The following HINT3 variants were observed in gnomAD, a reference collection of about 807,000 sequenced individuals.
The protein encoded by HINT3 is histidine triad nucleotide binding protein 3.
A neutral mutation model predicts 19.1 loss-of-function variants in HINT3; 16 were observed. The observed-to-expected ratio is 0.84, with a 90% confidence interval of 0.57 to 1.27. The LOEUF is 1.27. HINT3 is among the 50% of genes most tolerant of loss of function. The pLI is 0.00. For synonymous variants in HINT3, 75 were observed against 84.8 expected, an observed-to-expected ratio of 0.88 and a Z score of 0.63; for missense variants, 197 against 225.8, an observed-to-expected ratio of 0.87 and a Z score of 0.82.
Position 125,977,692 on chromosome 6 carries a change from A to G in HINT3, c.*16A>G. On this transcript the variant is annotated 3_prime_UTR_variant, in exon 5 of 5. Coordinates refer to ENST00000229633, the MANE Select transcript of HINT3 (RefSeq NM_138571.5). ...AAGAACATGAAAATGTCAAGAGTGG[A>G]AGATTTTTCTAATCTTGGTTCAGCA... is the stretch of plus-strand genomic sequence containing the variant. 1 of 1,477,550 alleles carries G rather than the reference A, an allele frequency of 6.8e-7. No individual in the cohort carries two copies. The highest frequency in any genetic ancestry group is 1.4e-5 in the African/African-American group (1 of 69,554). 91.5% of individuals were successfully genotyped at this position (1,477,550 alleles called of 1,614,324 possible).
intron 1 of HINT3, among the ~76,000 whole-genome samples, chr6:125,960,992 A>T (rs377211209): frequency 2.0e-5 from 3 of 152,330 alleles, no homozygotes; most frequent in East Asian, 3.9e-4. Flanking sequence ...ACTAATAGAA[A>T]ATAGATACTA....
At chr6:125,968,068 T>C (rs746101000) in intron 2 of HINT3, among the ~76,000 whole-genome samples, 13 of 152,336 alleles carry the variant, frequency 8.5e-5, no homozygotes, top group Non-Finnish European at 1.8e-4. Context: ...TACGTGGGTA[T>C]ATTGTGTGGT....
chr6:125,963,942 C>A (rs559684003), intron 1 of HINT3, among the ~76,000 whole-genome samples: 1 of 152,118 alleles, frequency 6.6e-6, no homozygotes, highest in African/African-American at 2.4e-5. Context: ...AATGACACAC[C>A]ATTTTTTAAG....
Position 125,968,050 on chromosome 6 carries a change from A to C in HINT3, c.319+1046A>C, listed in dbSNP as rs534149836. On this transcript the variant is annotated intron_variant, in intron 2 of 4. Coordinates refer to ENST00000229633, the MANE Select transcript of HINT3 (RefSeq NM_138571.5). ...ATTTTAGATTTGATGGTACATGAGC[A>C]GGTTTATTACGTGGGTATATTGTGT... 5.3e-5 allele frequency among the ~76,000 whole-genome samples: 8 copies of C among 152,364 alleles called. No homozygotes were observed. In the East Asian group the frequency reaches 1.2e-3, roughly 22 times the overall value.
At chr6:125,966,817 T>C in intron 1 of HINT3, 70 bp from the exon 2 acceptor site, 2 of 992,420 alleles carry the variant, frequency 2.0e-6, no homozygotes, top group Non-Finnish European at 3.1e-6. Context: ...ATTAATGATA[T>C]TTAAGTCATG....
At chr6:125,962,320 T>G (rs1259312436) in intron 1 of HINT3, among the ~76,000 whole-genome samples, 1 of 126,598 alleles carries the variant, frequency 7.9e-6, no homozygotes, top group Non-Finnish European at 1.6e-5. Context: ...CACATATATA[T>G]ATATATATAT....
At position 125,966,979 on chromosome 6, in the gene HINT3, T is replaced by G; in HGVS notation, c.294T>G (p.Thr98=). 6.2e-7 allele frequency: 1 copy of G among 1,608,150 alleles called. No individual in the cohort carries two copies. The highest frequency in any genetic ancestry group is 8.5e-7 in the Non-Finnish European group (1 of 1,175,618). The change falls in exon 2 of 5, where the codon ACT becomes ACG. Residue 98 remains threonine, a synonymous_variant. Transcript: ENST00000229633. ...VPKKHIGNCR[T]LRKDQVELVE... is the part of the protein sequence containing the mutation. ...AGAAGCATATTGGAAACTGCAGAAC[T>G]CTAAGGAAAGATCAAGTAGAACTGG...
chr6:125,958,837 AAC>A (rs1014635638), intron 1 of HINT3, among the ~76,000 whole-genome samples: 1 of 152,132 alleles, frequency 6.6e-6, no homozygotes, highest in African/African-American at 2.4e-5. Context: ...CCACCCCATC[AAC>A]ACACACACAT....
chr6:125,966,860 T>C, intron 1 of HINT3, 27 bp from the exon 2 acceptor site: 1 of 1,451,410 alleles, frequency 6.9e-7, no homozygotes, highest in South Asian at 1.2e-5. Context: ...TTTTTAAAAA[T>C]TCACTAACAA....
chr6:125,958,956 T>C (rs1034536789), intron 1 of HINT3, among the ~76,000 whole-genome samples: 8 of 152,152 alleles, frequency 5.3e-5, no homozygotes, highest in African/African-American at 1.7e-4. Flanking sequence ...TCAAAGATGA[T>C]TTCCAGGTTT....
Position 125,957,283 on chromosome 6 carries a change from G to C in HINT3, c.201+105G>C, listed in dbSNP as rs1012549534. ...GGAGCGGGTGCAGAGGATCCCGATCGCTACTCAGCTCGCAGAGGCAGGGCC... is the reference window on the plus strand; with the variant it reads ...GGAGCGGGTGCAGAGGATCCCGATCCCTACTCAGCTCGCAGAGGCAGGGCC... On this transcript the variant is annotated intron_variant, in intron 1 of 4. Coordinates refer to ENST00000229633, the MANE Select transcript of HINT3 (RefSeq NM_138571.5). 3.3e-6 allele frequency: 4 copies of C among 1,223,242 alleles called. No homozygotes were observed. The African/African-American group carries it at 4.5e-5, about 14-fold the overall frequency. 75.8% of individuals were successfully genotyped at this position (1,223,242 alleles called of 1,614,324 possible).
In HINT3 at chr6:125,956,970, C is replaced by A. The variant is rs1374907421; in HGVS notation, c.-8C>A. The A allele has an allele frequency of 3.9e-6, 6 of 1,549,196 alleles. No homozygotes were observed. The highest frequency in any genetic ancestry group is 3.5e-6 in the Non-Finnish European group (4 of 1,146,432). On this transcript the variant is annotated 5_prime_UTR_variant, in exon 1 of 5. Transcript: ENST00000229633. ...GGCCGAGGCTCTAGGCCGCGAGGGG[C>A]GGGTGCAATGGCGGAGGAACAGGTG...
Position 125,956,934 on chromosome 6 carries a change from A to G in HINT3, c.-44A>G. 6.5e-7 allele frequency: 1 copy of G among 1,529,412 alleles called. No homozygotes were observed. The highest frequency in any genetic ancestry group is 1.2e-5 in the South Asian group (1 of 83,392). 94.7% of individuals were successfully genotyped at this position (1,529,412 alleles called of 1,614,324 possible). A position where few individuals can be genotyped will look rare whatever the true frequency, so the allele number is the denominator to read the frequency against. ...GACGCGGAGACTGCGCGGGCCCGGT[A>G]GCCCTGGAGAGGCCGAGGCTCTAGG... On this transcript the variant is annotated 5_prime_UTR_variant, in exon 1 of 5. Transcript: ENST00000229633.
chr6:125,964,756 A>G (rs2128711100), intron 1 of HINT3, among the ~76,000 whole-genome samples: 1 of 151,772 alleles, frequency 6.6e-6, no homozygotes, highest in Admixed American at 6.6e-5. Context: ...ACACACACAC[A>G]CACACACACA....
rs978651628 is a variant in HINT3, at chr6:125,957,080, G to T, written c.103G>T (p.Ala35Ser). 10 of 1,550,854 alleles carry T rather than the reference G, an allele frequency of 6.4e-6. No individual in the cohort carries two copies. In the Admixed American group the frequency reaches 1.6e-4, roughly 24 times the overall value. Residue 35 changes from alanine (A) to serine (S), a missense_variant, in exon 1 of 5, where the codon GCT (alanine) becomes TCT (serine). By Grantham distance (99) the Ala-to-Ser change is moderately conservative (BLOSUM62 1). Transcript: ENST00000229633. ...TTCCTCAGTGGGGACCTGTGAAGCC[G>T]CTGGCAAGTCACCAGAGCCCAAGGA... ...TVSSVGTCEA[A>S]GKSPEPKDYD...
intron 4 of HINT3, 134 bp downstream of exon 4, chr6:125,975,107 A>G (rs1789163052): frequency 3.0e-6 from 2 of 674,922 alleles, no homozygotes; most frequent in Non-Finnish European, 2.4e-6. Context: ...CTGCTTGCAC[A>G]TATCCAAAAT....
chr6:125,976,539 GT>G (rs1461514898), intron 4 of HINT3, among the ~76,000 whole-genome samples: 2 of 136,104 alleles, frequency 1.5e-5, no homozygotes, highest in African/African-American at 5.5e-5. Context: ...TTTTTGCAAA[GT>G]TTGTGTAATA....
chr6:125,970,647 G>T (rs1172087270), intron 2 of HINT3, among the ~76,000 whole-genome samples: 1 of 152,062 alleles, frequency 6.6e-6, no homozygotes, highest in Non-Finnish European at 1.5e-5. Context: ...GCATATGGAA[G>T]AGTTCAAGAA....
chr6:125,978,084 A>C lies in HINT3; in HGVS notation c.*408A>C, dbSNP rs1789202784. 1 of 153,628 alleles carries C rather than the reference A, an allele frequency of 6.5e-6. No individual in the cohort carries two copies. The highest frequency in any genetic ancestry group is 1.4e-5 in the Non-Finnish European group (1 of 69,044). The allele number at this position is 153,628 out of a possible 1,614,324, so 9.5% of individuals were successfully genotyped here. ...GTGGGAACCTTTATTACTGTGAAGGAGAAAAATAGCTATTTCTTGACAGTT... is the reference window on the plus strand; with the variant it reads ...GTGGGAACCTTTATTACTGTGAAGGCGAAAAATAGCTATTTCTTGACAGTT... On this transcript the variant is annotated 3_prime_UTR_variant, in exon 5 of 5. Coordinates refer to ENST00000229633, the MANE Select transcript of HINT3 (RefSeq NM_138571.5).
Sources: gnomAD v4.1 joint callset for allele counts (sites outside exome capture counted in the v4.1 genomes callset) on GRCh38, gnomAD v4.1.1 for gene constraint, MANE v1.5 for transcripts, NCBI Gene and HGNC (gene_info 2026-07-23, HGNC 2026-07-21) for gene names.